Variants in SLC25A17 observed in about 807,000 individuals in gnomAD.
SLC25A17 encodes the protein peroxisomal membrane protein PMP34.
SLC25A17 carries 26 observed loss-of-function variants against 38.5 expected under a neutral mutation model. The observed-to-expected ratio is 0.68, with a 90% CI of 0.50 to 0.94. The LOEUF is 0.94. Among genes scored for constraint, SLC25A17 ranks in the 40% least tolerant of loss-of-function variants. The pLI, the probability that SLC25A17 is intolerant of heterozygous loss-of-function variation, is 0.00. For synonymous variants in SLC25A17, 139 were observed against 136.2 expected (o/e 1.02, Z -0.14); for missense variants, 333 against 372.7 (o/e 0.89, Z 0.88).
At chr22:40,806,385 C>T (rs946783592) in intron 1 of SLC25A17, among the ~76,000 whole-genome samples, 22 of 152,088 alleles carry the variant, frequency 1.4e-4, no homozygotes, top group African/African-American at 5.3e-4. Context: ...GCCTAGACAA[C>T]GTGCTGCAAA....
At chr22:40,816,886 C>T (rs1602636858) in intron 1 of SLC25A17, among the ~76,000 whole-genome samples, 1 of 152,204 alleles carries the variant, frequency 6.6e-6, no homozygotes, top group African/African-American at 2.4e-5. Context: ...GCTGGGATTA[C>T]AGGCGTGAGC....
chr22:40,775,293 G>T (rs968901027), intron 7 of SLC25A17, among the ~76,000 whole-genome samples: 2 of 152,026 alleles, frequency 1.3e-5, no homozygotes, highest in African/African-American at 4.8e-5. Flanking sequence ...ATATGGTTTG[G>T]CTGTGTCCCC....
Position 40,775,436 on chromosome 22 carries a change from G to GTTTTTTTTT in SLC25A17, c.694-1426_694-1418dup, listed in dbSNP as rs71200615. On this transcript the variant is annotated intron_variant, in intron 7 of 8. Coordinates refer to ENST00000435456, the MANE Select transcript of SLC25A17 (RefSeq NM_006358.4). ...TGAATAAGTCTCATGAGATCTGATG[G>GTTTTTTTTT]TTTTTTTTTTTTTTTTTTTTTTTTT... 2.4e-4 allele frequency among the ~76,000 whole-genome samples: 21 copies of GTTTTTTTTT among 86,848 alleles called. 4 individuals carry two copies. Among genetic ancestry groups the GTTTTTTTTT allele is most frequent in the South Asian group, 4.1e-4 (1 of 2,454 alleles). 57.0% of individuals were successfully genotyped at this position (86,848 alleles called of 152,430 possible).
rs528093638 is a variant in SLC25A17, at chr22:40,775,480, G to A, written c.694-1461C>T. Among the ~76,000 whole-genome samples, 11 of 108,360 alleles carry A rather than the reference G, an allele frequency of 1.0e-4. No individual in the cohort carries two copies. The South Asian group carries it at 2.6e-3, about 26-fold the overall frequency. The allele number at this position is 108,360 out of a possible 152,430, so 71.1% of individuals were successfully genotyped here. ...TTTTTTTTTTTTTTTTTTTTGAGAC[G>A]GAGTCTCGCTCTGTCGCCCAGGCCG... is the stretch of plus-strand genomic sequence containing the variant. On this transcript the variant is annotated intron_variant, in intron 7 of 8. Coordinates refer to ENST00000435456, the MANE Select transcript of SLC25A17 (RefSeq NM_006358.4).
chr22:40,805,664 G>A (rs933589423), intron 1 of SLC25A17, among the ~76,000 whole-genome samples: 1 of 151,798 alleles, frequency 6.6e-6, no homozygotes, highest in Non-Finnish European at 1.5e-5. Flanking sequence ...TGTGATATCC[G>A]CCACACCAGA....
At chr22:40,796,172 G>GT (rs2057427797) in intron 2 of SLC25A17, among the ~76,000 whole-genome samples, 1 of 152,192 alleles carries the variant, frequency 6.6e-6, no homozygotes, top group African/African-American at 2.4e-5. Context: ...CAAGGACTGT[G>GT]TTTTTCCTGG....
chr22:40,792,383 T>C, intron 4 of SLC25A17, 142 bp downstream of exon 4: 2 of 656,694 alleles, frequency 3.0e-6, no homozygotes, highest in Admixed American at 6.2e-5. Flanking sequence ...TCACGTTTTT[T>C]AACACAATTA....
chr22:40,774,299 C>T (rs1806350176), intron 7 of SLC25A17, among the ~76,000 whole-genome samples: 1 of 151,444 alleles, frequency 6.6e-6, no homozygotes, highest in Non-Finnish European at 1.5e-5. Context: ...TTTTGGCTCA[C>T]TGCAACCTCC....
At chr22:40,799,342 T>C (rs181683746) in intron 1 of SLC25A17, among the ~76,000 whole-genome samples, 58 of 151,652 alleles carry the variant, frequency 3.8e-4, no homozygotes, top group Non-Finnish European at 7.2e-4. Context: ...CTCACTTTGT[T>C]GCCCAGGCTG....
At chr22:40,814,981 G>A (rs1009328811) in intron 1 of SLC25A17, among the ~76,000 whole-genome samples, 1 of 151,394 alleles carries the variant, frequency 6.6e-6, no homozygotes, top group Non-Finnish European at 1.5e-5. Flanking sequence ...CTCCATGCCC[G>A]GCTAATATTT....
chr22:40,778,339 G>A (rs1244671306), intron 5 of SLC25A17, among the ~76,000 whole-genome samples: 1 of 152,196 alleles, frequency 6.6e-6, no homozygotes, highest in Non-Finnish European at 1.5e-5. Flanking sequence ...CAGACAAGGT[G>A]CCAACAGGGT....
chr22:40,804,032 A>G (rs990365863), intron 1 of SLC25A17, among the ~76,000 whole-genome samples: 18 of 152,134 alleles, frequency 1.2e-4, no homozygotes, highest in Admixed American at 4.6e-4. Context: ...GATATCATCA[A>G]GAGCTTTTTC....
chr22:40,800,393 CTAAT>C (rs908745687), intron 1 of SLC25A17, among the ~76,000 whole-genome samples: 1 of 152,098 alleles, frequency 6.6e-6, no homozygotes, highest in African/African-American at 2.4e-5. Context: ...AAAAAATTAA[CTAAT>C]TAATTAGTTA....
In SLC25A17 at chr22:40,770,672, G is replaced by T; in HGVS notation, c.*162C>A. On this transcript the variant is annotated 3_prime_UTR_variant, in exon 9 of 9. Transcript: ENST00000435456. Reference sequence around the variant, plus strand: ...CAGCATGACAATTAAGGTGACAACAGGTCCAGTTGGCCATACTCCCTGTGC... The same window carrying T: ...CAGCATGACAATTAAGGTGACAACATGTCCAGTTGGCCATACTCCCTGTGC... 1.8e-6 allele frequency: 1 copy of T among 543,394 alleles called. No individual in the cohort carries two copies. The highest frequency in any genetic ancestry group is 2.9e-6 in the Non-Finnish European group (1 of 343,640). 33.7% of individuals were successfully genotyped at this position (543,394 alleles called of 1,614,324 possible). A position where few individuals can be genotyped will look rare whatever the true frequency, so the allele number is the denominator to read the frequency against.
chr22:40,810,840 T>C (rs2057574204), intron 1 of SLC25A17, among the ~76,000 whole-genome samples: 1 of 152,244 alleles, frequency 6.6e-6, no homozygotes, highest in Admixed American at 6.5e-5. Context: ...AATAATATAC[T>C]GATATCTTAT....
At chr22:40,817,340 T>C (rs1464212076) in intron 1 of SLC25A17, 1 of 152,436 alleles carries the variant, frequency 6.6e-6, no homozygotes, top group Non-Finnish European at 1.5e-5. Context: ...TCTCCTTTGC[T>C]GGTGCAATCT....
chr22:40,784,329 T>C (rs1436926791), intron 4 of SLC25A17, among the ~76,000 whole-genome samples: 1 of 152,142 alleles, frequency 6.6e-6, no homozygotes, highest in Non-Finnish European at 1.5e-5. Context: ...TATTTACTTA[T>C]CCTAAAGTAT....
chr22:40,817,546 T>C (rs1329545458), intron 1 of SLC25A17, among the ~76,000 whole-genome samples: 3 of 152,142 alleles, frequency 2.0e-5, no homozygotes, highest in Non-Finnish European at 4.4e-5. Flanking sequence ...GCCATCCCAG[T>C]AAATACCACC....
At chr22:40,784,617 TA>T (rs753747870) in intron 4 of SLC25A17, 271 of 209,952 alleles carry the variant, frequency 1.3e-3, no homozygotes, top group South Asian at 3.5e-3. Flanking sequence ...GTACAAAAAA[TA>T]AAAAAAAATT....
Sources: gnomAD v4.1 joint callset for allele counts (sites outside exome capture counted in the v4.1 genomes callset) on GRCh38, gnomAD v4.1.1 for gene constraint, MANE v1.5 for transcripts, NCBI Gene and HGNC (gene_info 2026-07-23, HGNC 2026-07-21) for gene names.